TRPC5: variants seen among roughly 807,000 people sequenced by gnomAD.
TRPC5 encodes the protein short transient receptor potential channel 5.
TRPC5 carries 9 observed loss-of-function variants against 56.5 expected under a neutral mutation model. That is an observed-to-expected ratio of 0.16 (90% CI 0.10 to 0.28). TRPC5 has a LOEUF of 0.28. Ranked by LOEUF, TRPC5 falls within the 10% of genes least tolerant of loss-of-function variation. The pLI, the probability that TRPC5 is intolerant of heterozygous loss-of-function variation, is 1.00. For synonymous variants in TRPC5, 282 were observed against 278.5 expected (o/e 1.01, Z -0.13); for missense variants, 469 against 748.9 (o/e 0.63, Z 4.36).
At chrX:111,886,531 C>A (rs903597920) in intron 3 of TRPC5, among the ~76,000 whole-genome samples, 4 of 111,616 alleles carry the variant, frequency 3.6e-5, no homozygotes, top group African/African-American at 1.3e-4. Context: ...TTGAGCCTTG[C>A]AGCAGAGTTG....
chrX:111,769,910 A>G lies in TRPC5; in HGVS notation c.*6403T>C, dbSNP rs912091518. Among the ~76,000 whole-genome samples, 28 of 111,630 alleles carry G rather than the reference A, an allele frequency of 2.5e-4. No individual in the cohort carries two copies. Among genetic ancestry groups the G allele is most frequent in the African/African-American group, 7.5e-4 (23 of 30,739 alleles). On this transcript the variant is annotated 3_prime_UTR_variant, in exon 11 of 11. Coordinates refer to ENST00000262839, the MANE Select transcript of TRPC5 (RefSeq NM_012471.3). ...TAATCTTATAGGATCATGATTTTCTACCATTGAGGATATTCAGAGATTGTA... is the reference window on the plus strand; with the variant it reads ...TAATCTTATAGGATCATGATTTTCTGCCATTGAGGATATTCAGAGATTGTA...
chrX:111,943,675 T>C (rs1312572560), intron 2 of TRPC5, among the ~76,000 whole-genome samples: 3 of 111,945 alleles, frequency 2.7e-5, no homozygotes, highest in Non-Finnish European at 5.6e-5. Context: ...CTTGGGTGGG[T>C]TGTTGATATA....
chrX:112,026,384 A>G (rs1163325390), intron 1 of TRPC5, among the ~76,000 whole-genome samples: 1 of 112,561 alleles, frequency 8.9e-6, no homozygotes, highest in African/African-American at 3.2e-5. Flanking sequence ...ATTTCTTTAT[A>G]TTTTAATTGA....
chrX:111,878,692 C>G (rs370159627), intron 3 of TRPC5, among the ~76,000 whole-genome samples: 1 of 111,311 alleles, frequency 9.0e-6, no homozygotes, highest in African/African-American at 3.3e-5. Flanking sequence ...TCCTGATGGG[C>G]AGATGGGTGG....
chrX:111,825,168 TTTCTTTCTTTC>T (rs1922167557), intron 7 of TRPC5, among the ~76,000 whole-genome samples: 1 of 78,646 alleles, frequency 1.3e-5, no homozygotes, highest in Non-Finnish European at 2.4e-5. Flanking sequence ...TCTTTCTTTC[TTTCTTTCTTTC>T]TTTCTTTCTT....
chrX:111,945,054 A>G (rs147482407), intron 2 of TRPC5, among the ~76,000 whole-genome samples: 2 of 110,394 alleles, frequency 1.8e-5, no homozygotes, highest in Non-Finnish European at 3.8e-5. Flanking sequence ...TCAGACCTAA[A>G]CTCCAAGATT....
At chrX:111,825,549 C>T (rs1171542040) in intron 7 of TRPC5, among the ~76,000 whole-genome samples, 1 of 110,804 alleles carries the variant, frequency 9.0e-6, no homozygotes, top group East Asian at 2.8e-4. Context: ...TGAGCCACTG[C>T]ACCCGGCCCA....
At chrX:111,803,110 G>A (rs1242483467) in intron 7 of TRPC5, among the ~76,000 whole-genome samples, 1 of 110,893 alleles carries the variant, frequency 9.0e-6, no homozygotes, top group Non-Finnish European at 1.9e-5. Flanking sequence ...GTGAGAACAT[G>A]CGGTGTTTGG....
At chrX:112,033,905 T>C (rs1929655274) in intron 1 of TRPC5, among the ~76,000 whole-genome samples, 1 of 111,749 alleles carries the variant, frequency 8.9e-6, no homozygotes, top group African/African-American at 3.3e-5. Flanking sequence ...GAGAAGGCTA[T>C]TGTTTCCCCC....
chrX:112,069,588 A>G (rs771840544), intron 1 of TRPC5, among the ~76,000 whole-genome samples: 1 of 112,472 alleles, frequency 8.9e-6, no homozygotes, highest in East Asian at 2.8e-4. Flanking sequence ...CAGGGGGCCC[A>G]GTGGGCACCT....
chrX:111,907,785 T>C (rs2148618343), intron 3 of TRPC5, among the ~76,000 whole-genome samples: 1 of 111,527 alleles, frequency 9.0e-6, no homozygotes, highest in African/African-American at 3.2e-5. Flanking sequence ...TATTATATAA[T>C]GTGATAAAAT....
At chrX:111,898,647 C>G (rs1441605861) in intron 3 of TRPC5, among the ~76,000 whole-genome samples, 1 of 110,365 alleles carries the variant, frequency 9.1e-6, no homozygotes, top group Middle Eastern at 4.6e-3. Context: ...AGTCTCATGA[C>G]AATTACATTT....
At chrX:111,923,983 A>T (rs776652062) in intron 2 of TRPC5, among the ~76,000 whole-genome samples, 1 of 111,719 alleles carries the variant, frequency 9.0e-6, no homozygotes, top group Non-Finnish European at 1.9e-5. Flanking sequence ...GTATAAATCA[A>T]TGTGTGATTT....
chrX:111,825,521 G>A (rs1280664877), intron 7 of TRPC5, among the ~76,000 whole-genome samples: 2 of 110,472 alleles, frequency 1.8e-5, no homozygotes, highest in African/African-American at 3.3e-5. Context: ...GCCTCACAAA[G>A]TGCTGAGATT....
intron 1 of TRPC5, among the ~76,000 whole-genome samples, chrX:111,964,401 C>T: frequency 8.9e-6 from 1 of 112,305 alleles, no homozygotes; most frequent in Non-Finnish European, 1.9e-5. Context: ...AAACACTCTT[C>T]AGGATATTAT....
chrX:111,796,891 AT>A (rs1420488271), intron 7 of TRPC5, among the ~76,000 whole-genome samples: 1 of 111,860 alleles, frequency 8.9e-6, no homozygotes, highest in East Asian at 2.8e-4. Context: ...TTTCCTTTAC[AT>A]TTTTTTATCA....
intron 3 of TRPC5, among the ~76,000 whole-genome samples, chrX:111,872,749 G>GA (rs375090230): frequency 6.4e-5 from 7 of 109,444 alleles, no homozygotes; most frequent in Admixed American, 1.9e-4. Flanking sequence ...ATAAACATAT[G>GA]AAAAAAAAAT....
intron 4 of TRPC5, 125 bp downstream of exon 4, chrX:111,853,645 C>T: frequency 1.6e-6 from 1 of 606,250 alleles, no homozygotes; most frequent in Non-Finnish European, 2.6e-6. Context: ...CAAAGGACTA[C>T]CACACTGCAT....
intron 1 of TRPC5, among the ~76,000 whole-genome samples, chrX:112,034,986 A>T (rs1602404026): frequency 1.0e-5 from 1 of 98,272 alleles, no homozygotes; most frequent in African/African-American, 3.7e-5. Flanking sequence ...ATCATTATTA[A>T]TTTCCTTCCT....
Sources: gnomAD v4.1 joint callset for allele counts (sites outside exome capture counted in the v4.1 genomes callset) on GRCh38, gnomAD v4.1.1 for gene constraint, MANE v1.5 for transcripts, NCBI Gene and HGNC (gene_info 2026-07-23, HGNC 2026-07-21) for gene names.